The following CA10 variants were observed in gnomAD, a reference collection of about 807,000 sequenced individuals.
CA10 encodes carbonic anhydrase-related protein 10.
In CA10, 14 loss-of-function variants were observed where a neutral mutation model predicts 44.2. The observed-to-expected ratio is 0.32, with a 90% confidence interval of 0.21 to 0.50. CA10 has a LOEUF of 0.50. CA10 is among the 20% of genes least tolerant of loss of function. CA10 has a pLI of 0.99. For synonymous variants in CA10, 159 were observed against 141.6 expected, an observed-to-expected ratio of 1.12 and a Z score of -0.87; for missense variants, 350 against 409.7, an observed-to-expected ratio of 0.85 and a Z score of 1.26.
chr17:51,787,963 C>T (rs527931797), intron 3 of CA10, among the ~76,000 whole-genome samples: 61 of 152,008 alleles, frequency 4.0e-4, no homozygotes, highest in African/African-American at 1.4e-3. Flanking sequence ...TTTATTTCTG[C>T]TCTGTTATTT....
chr17:52,068,846 G>A (rs1987604482), intron 2 of CA10, among the ~76,000 whole-genome samples: 1 of 152,174 alleles, frequency 6.6e-6, no homozygotes, highest in Non-Finnish European at 1.5e-5. Flanking sequence ...ACATATGCAT[G>A]ACTATATTAA....
intron 3 of CA10, among the ~76,000 whole-genome samples, chr17:51,902,316 C>T (rs937635344): frequency 4.6e-5 from 7 of 152,070 alleles, no homozygotes; most frequent in African/African-American, 1.7e-4. Flanking sequence ...ATAGATTGCT[C>T]AGAGATAGAA....
intron 4 of CA10, among the ~76,000 whole-genome samples, chr17:51,712,305 G>A (rs2143494764): frequency 6.6e-6 from 1 of 152,324 alleles, no homozygotes; most frequent in South Asian, 2.1e-4. Flanking sequence ...TTGAGCCCTT[G>A]TGTAGTTTTT....
In CA10 at chr17:51,947,224, C is replaced by CAA. The variant is rs1198796736; in HGVS notation, c.137-16094_137-16093dup. Reference sequence around the variant, plus strand: ...TGATTTTGGAATGCATCTTCATGTGCAAAAAAAAAAAAAAAAAAAAAAAGC... The same window carrying CAA: ...TGATTTTGGAATGCATCTTCATGTGCAAAAAAAAAAAAAAAAAAAAAAAAAGC... On this transcript the variant is annotated intron_variant, in intron 2 of 8. Transcript: ENST00000451037. 9.8e-3 allele frequency among the ~76,000 whole-genome samples: 484 copies of CAA among 49,232 alleles called. 1 individual carries two copies. Among genetic ancestry groups the CAA allele is most frequent in the East Asian group, 0.019 (29 of 1,492 alleles). The allele number at this position is 49,232 out of a possible 152,430, so 32.3% of individuals were successfully genotyped here.
intron 2 of CA10, among the ~76,000 whole-genome samples, chr17:51,959,209 CTTTTT>C (rs112948472): frequency 8.2e-6 from 1 of 122,290 alleles, no homozygotes. Context: ...GGAAGACATT[CTTTTT>C]TTTTTTTTTT....
At chr17:51,649,500 G>T (rs1302441972) in intron 5 of CA10, among the ~76,000 whole-genome samples, 5 of 152,202 alleles carry the variant, frequency 3.3e-5, no homozygotes, top group Non-Finnish European at 7.3e-5. Context: ...TTGAGTCATT[G>T]GTGTAATGAT....
intron 3 of CA10, among the ~76,000 whole-genome samples, chr17:51,881,498 TAAAAAA>T (rs1047715628): frequency 4.0e-5 from 6 of 151,576 alleles, no homozygotes; most frequent in Admixed American, 3.3e-4. Flanking sequence ...AGACAAATGA[TAAAAAA>T]GAAAAAATTT....
intron 3 of CA10, among the ~76,000 whole-genome samples, chr17:51,839,401 G>A (rs964145114): frequency 2.0e-5 from 3 of 148,172 alleles, no homozygotes; most frequent in Non-Finnish European, 3.0e-5. Context: ...GCTGAGGCAG[G>A]AGAATGGCAT....
upstream of CA10, chr17:52,159,201 C>A (rs576112932): frequency 1.3e-5 from 2 of 152,680 alleles, no homozygotes; most frequent in East Asian, 1.9e-4. Context: ...CATTCCCTGC[C>A]CTCTCCATTT....
intron 3 of CA10, among the ~76,000 whole-genome samples, chr17:51,885,374 T>C (rs977618317): frequency 5.3e-5 from 8 of 152,162 alleles, no homozygotes; most frequent in African/African-American, 9.7e-5. Flanking sequence ...ACCCTTAGCT[T>C]TCATCACTTC....
At chr17:51,654,820 T>A (rs1913728286) in intron 4 of CA10, among the ~76,000 whole-genome samples, 1 of 152,168 alleles carries the variant, frequency 6.6e-6, no homozygotes. Context: ...CCTCCCAAAG[T>A]GCTGGGATTA....
At chr17:51,756,615 G>A (rs1905088806) in intron 3 of CA10, among the ~76,000 whole-genome samples, 1 of 151,654 alleles carries the variant, frequency 6.6e-6, no homozygotes, top group African/African-American at 2.4e-5. Flanking sequence ...GACTACAGGC[G>A]CCCGCCACCA....
intron 5 of CA10, among the ~76,000 whole-genome samples, chr17:51,649,743 G>A (rs1913483976): frequency 6.6e-6 from 1 of 152,186 alleles, no homozygotes; most frequent in South Asian, 2.1e-4. Flanking sequence ...TAGGAAGTGA[G>A]CCTAGAAAGA....
At chr17:52,091,123 A>G (rs1483961866) in intron 1 of CA10, among the ~76,000 whole-genome samples, 2 of 152,202 alleles carry the variant, frequency 1.3e-5, no homozygotes, top group Admixed American at 1.3e-4. Flanking sequence ...AGCATATAAA[A>G]AAGTATATAA....
At chr17:51,632,433 G>A (rs1226333826) in intron 8 of CA10, among the ~76,000 whole-genome samples, 1 of 152,182 alleles carries the variant, frequency 6.6e-6, no homozygotes, top group African/African-American at 2.4e-5. Context: ...AGAGAAAAAA[G>A]AAGGGAACAA....
intron 4 of CA10, among the ~76,000 whole-genome samples, chr17:51,738,577 G>T (rs1409731864): frequency 6.6e-6 from 1 of 152,024 alleles, no homozygotes; most frequent in African/African-American, 2.4e-5. Flanking sequence ...CACTATTATG[G>T]CTCGCTCTCA....
At chr17:51,681,917 G>C (rs1361472677) in intron 4 of CA10, among the ~76,000 whole-genome samples, 2 of 152,132 alleles carry the variant, frequency 1.3e-5, no homozygotes, top group African/African-American at 4.8e-5. Context: ...TGGGAACATG[G>C]GGTATTTGAT....
At chr17:52,133,526 A>C (rs11870312) in intron 1 of CA10, among the ~76,000 whole-genome samples, 6,737 of 152,182 alleles carry the variant, frequency 0.044, 506 homozygotes, top group African/African-American at 0.15. Flanking sequence ...TTAACAAGAA[A>C]AAAAAAACAG....
intron 4 of CA10, among the ~76,000 whole-genome samples, chr17:51,719,800 G>C (rs576335742): frequency 1.3e-5 from 2 of 152,196 alleles, no homozygotes; most frequent in South Asian, 4.2e-4. Flanking sequence ...GAGGTGGGGG[G>C]TGTATCACAA....
Sources: allele counts gnomAD v4.1 joint callset (sites outside exome capture counted in the v4.1 genomes callset), GRCh38; gene constraint gnomAD v4.1.1; transcripts MANE v1.5; gene names NCBI Gene and HGNC (gene_info 2026-07-23, HGNC 2026-07-21).